The following MYO1E variants were observed in gnomAD, a reference collection of about 807,000 sequenced individuals.
MYO1E encodes the protein myosin IE.
MYO1E carries 68 observed loss-of-function variants against 151.1 expected under a neutral mutation model. The ratio of observed to expected loss-of-function variants is 0.45; its 90% CI spans 0.37 to 0.55. The LOEUF (loss-of-function observed/expected upper bound fraction) is 0.55. Ranked by LOEUF, MYO1E falls within the 20% of genes least tolerant of loss-of-function variation. MYO1E has a pLI of 0.00. For synonymous variants in MYO1E, 601 were observed against 501.7 expected, an observed-to-expected ratio of 1.20 and a Z score of -2.64; for missense variants, 1,363 against 1,389.3, an observed-to-expected ratio of 0.98 and a Z score of 0.30.
chr15:59,236,543 T>C, intron 5 of MYO1E, 42 bp downstream of exon 5: 2 of 1,515,262 alleles, frequency 1.3e-6, no homozygotes, highest in Non-Finnish European at 1.8e-6. Flanking sequence ...CTCTTACATT[T>C]CCCATAACAT....
chr15:59,186,868 G>C (rs916986418), intron 18 of MYO1E, among the ~76,000 whole-genome samples: 4 of 152,166 alleles, frequency 2.6e-5, no homozygotes, highest in African/African-American at 9.7e-5. Flanking sequence ...AGAAGTTAGA[G>C]TGATGTAACA....
At chr15:59,324,668 C>A (rs1436791279) in intron 1 of MYO1E, among the ~76,000 whole-genome samples, 1 of 150,308 alleles carries the variant, frequency 6.7e-6, no homozygotes, top group South Asian at 2.1e-4. Flanking sequence ...CCCAAGCCCC[C>A]CCCCCACAGA....
intron 2 of MYO1E, among the ~76,000 whole-genome samples, chr15:59,271,491 GA>G (rs1334837618): frequency 6.6e-6 from 1 of 152,130 alleles, no homozygotes; most frequent in Non-Finnish European, 1.5e-5. Flanking sequence ...GTTCCACCAG[GA>G]TATCTTTACA....
chr15:59,223,503 A>G (rs2079969303), intron 8 of MYO1E, among the ~76,000 whole-genome samples: 1 of 152,156 alleles, frequency 6.6e-6, no homozygotes, highest in African/African-American at 2.4e-5. Flanking sequence ...TCCAGGAATA[A>G]GAGAATACTC....
rs760800683 is a variant in MYO1E, at chr15:59,295,966, G to A, written c.4-23517C>T. Among the ~76,000 whole-genome samples the A allele has an allele frequency of 2.1e-4, 32 of 152,112 alleles. 1 individual carries two copies. The highest frequency in any genetic ancestry group is 4.6e-4 in the Non-Finnish European group (31 of 68,014). Reference sequence around the variant, plus strand: ...TCGCCTACTTAGACCTAAAGAGGGGGCAGGAGGAGGGAACCAGAACCAGCA... The same window carrying A: ...TCGCCTACTTAGACCTAAAGAGGGGACAGGAGGAGGGAACCAGAACCAGCA... On this transcript the variant is annotated intron_variant, in intron 1 of 27. Coordinates refer to ENST00000288235, the MANE Select transcript of MYO1E (RefSeq NM_004998.4).
rs778530139 is a variant in MYO1E at position 59,208,631 on chromosome 15, A to G, written c.1530+50T>C. On this transcript the variant is annotated intron_variant, in intron 14 of 27. Transcript: ENST00000288235. ...TTTGCTTCATGAGAAACCAGATCAC[A>G]AACCCAAAGGCTTAAAACAGATAGA... The G allele has an allele frequency of 5.6e-6, 9 of 1,609,174 alleles. No individual in the cohort carries two copies. In the Admixed American group the frequency reaches 1.3e-4, roughly 24 times the overall value.
At chr15:59,185,467 A>G (rs2079690185) in intron 18 of MYO1E, among the ~76,000 whole-genome samples, 1 of 152,180 alleles carries the variant, frequency 6.6e-6, no homozygotes, top group Admixed American at 6.5e-5. Flanking sequence ...AGGTTTCACC[A>G]TGTTGGCCAG....
chr15:59,351,551 G>A (rs1324540294), intron 1 of MYO1E, among the ~76,000 whole-genome samples: 2 of 152,200 alleles, frequency 1.3e-5, no homozygotes, highest in Non-Finnish European at 2.9e-5. Flanking sequence ...TTGAGGAAGA[G>A]TGACAGATGC....
At chr15:59,254,913 C>T (rs1450748496) in intron 4 of MYO1E, among the ~76,000 whole-genome samples, 1 of 151,856 alleles carries the variant, frequency 6.6e-6, no homozygotes, top group Non-Finnish European at 1.5e-5. Flanking sequence ...GCAGCTTCCG[C>T]CTCCTGGGTT....
chr15:59,134,340 CAT>C lies in MYO1E; in HGVS notation c.*3038_*3039del, dbSNP rs528879696. 5.5e-3 allele frequency: 833 copies of C among 152,342 alleles called. 12 individuals are homozygous for C. Among genetic ancestry groups the C allele is most frequent in the Non-Finnish European group, 5.3e-3 (360 of 68,038 alleles). 9.4% of individuals were successfully genotyped at this position (152,342 alleles called of 1,614,324 possible). A position where few individuals can be genotyped will look rare whatever the true frequency, so the allele number is the denominator to read the frequency against. On this transcript the variant is annotated 3_prime_UTR_variant, in exon 28 of 28. Coordinates refer to ENST00000288235, the MANE Select transcript of MYO1E (RefSeq NM_004998.4). ...AAGGCTTCACCCTTTGTCCTCTCCA[CAT>C]GTCTCTGTATTGTTTCACAAAACAC... is the stretch of plus-strand genomic sequence containing the variant.
chr15:59,270,574 A>C (rs2140381097), intron 2 of MYO1E, among the ~76,000 whole-genome samples: 1 of 151,952 alleles, frequency 6.6e-6, no homozygotes, highest in East Asian at 1.9e-4. Flanking sequence ...AGAAAAAAGA[A>C]AAAAAAATCA....
intron 22 of MYO1E, among the ~76,000 whole-genome samples, chr15:59,170,985 G>T (rs2079589912): frequency 6.6e-6 from 1 of 152,124 alleles, no homozygotes; most frequent in South Asian, 2.1e-4. Flanking sequence ...TAATGCAAAG[G>T]CCCAAAGCTT....
Position 59,256,060 on chromosome 15 carries a change from C to T in MYO1E, c.332+224G>A, listed in dbSNP as rs142121269. Among the ~76,000 whole-genome samples the T allele has an allele frequency of 2.0e-3, 307 of 152,324 alleles. 2 individuals carry two copies. Among genetic ancestry groups the T allele is most frequent in the Middle Eastern group, 0.01 (3 of 294 alleles). On this transcript the variant is annotated intron_variant, in intron 4 of 27. Coordinates refer to ENST00000288235, the MANE Select transcript of MYO1E (RefSeq NM_004998.4). The stretch of plus-strand genomic sequence containing the variant: ...AAACAGTGAAAACATGTTTATTATA[C>T]TTACTGCAATCCCATGGAAGCTCAA...
chr15:59,241,719 A>AATAAAT (rs2080100733), intron 4 of MYO1E, among the ~76,000 whole-genome samples: 1 of 151,930 alleles, frequency 6.6e-6, no homozygotes, highest in African/African-American at 2.4e-5. Flanking sequence ...TAAATAGATA[A>AATAAAT]ATAAATAAAA....
chr15:59,207,360 A>G, intron 14 of MYO1E: 1 of 1,614,046 alleles, frequency 6.2e-7, no homozygotes, highest in South Asian at 1.1e-5. Flanking sequence ...ACTCCAACCT[A>G]GTGATTATCA....
intron 1 of MYO1E, among the ~76,000 whole-genome samples, chr15:59,291,487 C>CA (rs1268708643): frequency 2.0e-5 from 3 of 149,682 alleles, no homozygotes; most frequent in Non-Finnish European, 2.9e-5. Flanking sequence ...AACAAACAAA[C>CA]AAAAGCACAT....
rs1044235234 is a variant in MYO1E, at chr15:59,256,932, A to G, written c.238-554T>C. Among the ~76,000 whole-genome samples the G allele has an allele frequency of 1.1e-4, 16 of 152,338 alleles. 1 individual carries two copies. The South Asian group carries it at 3.1e-3, about 30-fold the overall frequency. Reference sequence around the variant, plus strand: ...ATCTTTCCATAAGAAGAGGGCAAGAAGGTGTGGTTCTTTAAAGGGATAAGC... The same window carrying G: ...ATCTTTCCATAAGAAGAGGGCAAGAGGGTGTGGTTCTTTAAAGGGATAAGC... On this transcript the variant is annotated intron_variant, in intron 3 of 27. Transcript: ENST00000288235.
intron 22 of MYO1E, 22 bp downstream of exon 22, chr15:59,171,875 C>T (rs1596350734): frequency 6.2e-7 from 1 of 1,614,136 alleles, no homozygotes. Flanking sequence ...GGCAGTCCTG[C>T]CTCTGCACCT....
At chr15:59,160,407 C>CG (rs1555407742) in intron 24 of MYO1E, among the ~76,000 whole-genome samples, 7 of 135,208 alleles carry the variant, frequency 5.2e-5, no homozygotes, top group African/African-American at 1.9e-4. Context: ...TTTTCATCTT[C>CG]TTTTTTTTAA....
Sources: gnomAD v4.1 joint callset for allele counts (sites outside exome capture counted in the v4.1 genomes callset) on GRCh38, gnomAD v4.1.1 for gene constraint, MANE v1.5 for transcripts, NCBI Gene and HGNC (gene_info 2026-07-23, HGNC 2026-07-21) for gene names.